ZCWPW2: variants seen among roughly 807,000 people sequenced by gnomAD.
ZCWPW2 encodes zinc finger CW-type PWWP domain protein 2.
Under a neutral mutation model 46.6 loss-of-function variants are expected in ZCWPW2, and 45 were observed. That is an observed-to-expected ratio of 0.96 (90% confidence interval 0.76 to 1.24). The LOEUF is 1.24. Ranked by LOEUF, ZCWPW2 falls within the 50% of genes most tolerant of loss-of-function variation. The pLI is 0.00. For missense variants in ZCWPW2, 429 were observed against 403.9 expected (o/e 1.06, Z -0.53); for synonymous variants, 152 against 137.1 (o/e 1.11, Z -0.76).
chr3:28,468,959 T>G (rs1281397532), intron 4 of ZCWPW2, among the ~76,000 whole-genome samples: 3 of 152,140 alleles, frequency 2.0e-5, no homozygotes, highest in Non-Finnish European at 4.4e-5. Flanking sequence ...TAAACTGCTC[T>G]TCAGTGGAAA....
chr3:28,491,373 T>C (rs1699806254), intron 5 of ZCWPW2, among the ~76,000 whole-genome samples: 2 of 152,166 alleles, frequency 1.3e-5, no homozygotes, highest in African/African-American at 2.4e-5. Flanking sequence ...ATACATACTT[T>C]AGCACATCTC....
chr3:28,382,782 G>A (rs1341647159), intron 1 of ZCWPW2, among the ~76,000 whole-genome samples: 1 of 152,048 alleles, frequency 6.6e-6, no homozygotes, highest in African/African-American at 2.4e-5. Context: ...GTCCTAATGA[G>A]TAAAATTAAG....
chr3:28,354,030 C>A (rs528845308), intron 1 of ZCWPW2, among the ~76,000 whole-genome samples: 1 of 152,082 alleles, frequency 6.6e-6, no homozygotes, highest in Admixed American at 6.5e-5. Context: ...ATGTGCCAGA[C>A]GCTGTTTTAG....
At chr3:28,384,770 C>T (rs571035141) in intron 1 of ZCWPW2, among the ~76,000 whole-genome samples, 33 of 152,062 alleles carry the variant, frequency 2.2e-4, no homozygotes, top group African/African-American at 5.1e-4. Flanking sequence ...CCCATTTCCA[C>T]GGCCGGCTAA....
At chr3:28,349,403 T>C (rs1314929846) in intron 1 of ZCWPW2, among the ~76,000 whole-genome samples, 200 bp downstream of exon 1, 1 of 152,212 alleles carries the variant, frequency 6.6e-6, no homozygotes, top group Non-Finnish European at 1.5e-5. Flanking sequence ...GCCGTTCCTC[T>C]GTAGCCTCTG....
chr3:28,391,353 C>CCACACA (rs111706300), intron 2 of ZCWPW2, among the ~76,000 whole-genome samples: 10 of 148,746 alleles, frequency 6.7e-5, no homozygotes, highest in South Asian at 6.4e-4. Context: ...CCTCTCCCTG[C>CCACACA]CACACACACA....
chr3:28,439,550 C>T (rs1386412051), intron 4 of ZCWPW2, among the ~76,000 whole-genome samples: 2 of 152,048 alleles, frequency 1.3e-5, no homozygotes, highest in Non-Finnish European at 2.9e-5. Context: ...CAGTATTAAC[C>T]ATCACAAGCC....
chr3:28,400,505 A>G (rs1695877325), intron 2 of ZCWPW2, among the ~76,000 whole-genome samples: 1 of 152,220 alleles, frequency 6.6e-6, no homozygotes, highest in South Asian at 2.1e-4. Context: ...ATCTAAAGTT[A>G]AGATGAAGGA....
intron 2 of ZCWPW2, among the ~76,000 whole-genome samples, chr3:28,410,747 GCAACAGAGAATGTC>G (rs1486957433): frequency 6.6e-6 from 1 of 151,804 alleles, no homozygotes; most frequent in Non-Finnish European, 1.5e-5. Context: ...AAAAATAAGA[GCAACAGAGAATGTC>G]CAAAGAAAGT....
intron 1 of ZCWPW2, among the ~76,000 whole-genome samples, chr3:28,358,512 A>G (rs1450063921): frequency 6.6e-6 from 1 of 152,160 alleles, no homozygotes; most frequent in Non-Finnish European, 1.5e-5. Context: ...TCAGTTTGAA[A>G]ATTATGAATC....
At chr3:28,416,897 G>T (rs1249520550) in intron 3 of ZCWPW2, among the ~76,000 whole-genome samples, 1 of 134,862 alleles carries the variant, frequency 7.4e-6, no homozygotes, top group Non-Finnish European at 1.6e-5. Context: ...GCTTTTTGAT[G>T]TGCTGCTGGA....
chr3:28,380,411 C>T (rs568173642), intron 1 of ZCWPW2, among the ~76,000 whole-genome samples: 2 of 152,144 alleles, frequency 1.3e-5, no homozygotes, highest in Non-Finnish European at 2.9e-5. Flanking sequence ...TCCACAGAAA[C>T]GTGCAAACAA....
At chr3:28,470,810 CAACAA>C (rs969324998) in intron 4 of ZCWPW2, among the ~76,000 whole-genome samples, 3 of 151,544 alleles carry the variant, frequency 2.0e-5, no homozygotes, top group Non-Finnish European at 4.4e-5. Context: ...TACAAAATAT[CAACAA>C]AACAATTTTT....
intron 2 of ZCWPW2, among the ~76,000 whole-genome samples, chr3:28,401,194 A>G (rs978154801): frequency 6.6e-6 from 1 of 152,102 alleles, no homozygotes; most frequent in African/African-American, 2.4e-5. Context: ...AAAACAAACA[A>G]AAAAGACAAA....
At chr3:28,489,196 A>G (rs184935348) in intron 5 of ZCWPW2, among the ~76,000 whole-genome samples, 24 of 152,254 alleles carry the variant, frequency 1.6e-4, no homozygotes, top group Non-Finnish European at 3.4e-4. Flanking sequence ...AACTCTCTCT[A>G]TACCATCCAG....
At chr3:28,488,603 G>A (rs1426237953) in intron 5 of ZCWPW2, among the ~76,000 whole-genome samples, 7 of 152,134 alleles carry the variant, frequency 4.6e-5, no homozygotes, top group Non-Finnish European at 8.8e-5. Flanking sequence ...TAATATGGTT[G>A]TAAGTAAAAA....
chr3:28,374,782 C>A (rs919159785), intron 1 of ZCWPW2, among the ~76,000 whole-genome samples: 1 of 151,858 alleles, frequency 6.6e-6, no homozygotes, highest in Non-Finnish European at 1.5e-5. Flanking sequence ...GATTGTTCAC[C>A]GTTGGCATAT....
chr3:28,524,758 T>C lies in ZCWPW2; in HGVS notation c.*70T>C, dbSNP rs1031833525. 3 of 1,243,386 alleles carry C rather than the reference T, an allele frequency of 2.4e-6. No homozygotes were observed. Among genetic ancestry groups the C allele is most frequent in the African/African-American group, 1.6e-5 (1 of 63,388 alleles). 77.0% of individuals were successfully genotyped at this position (1,243,386 alleles called of 1,614,324 possible). The stretch of plus-strand genomic sequence containing the variant: ...TTATATTTATCCAAAGTTAAAACTT[T>C]AAAAATGTTTAGTGAAATAGGTATA... On this transcript the variant is annotated 3_prime_UTR_variant, in exon 10 of 10. Coordinates refer to ENST00000383768, the MANE Select transcript of ZCWPW2 (RefSeq NM_001040432.4).
intron 6 of ZCWPW2, among the ~76,000 whole-genome samples, chr3:28,510,072 C>T (rs1021158714): frequency 5.9e-5 from 9 of 152,252 alleles, no homozygotes; most frequent in Non-Finnish European, 7.4e-5. Context: ...CTATTCTTTT[C>T]TTACTGAATT....
Sources: allele counts gnomAD v4.1 joint callset (sites outside exome capture counted in the v4.1 genomes callset), GRCh38; gene constraint gnomAD v4.1.1; transcripts MANE v1.5; gene names NCBI Gene and HGNC (gene_info 2026-07-23, HGNC 2026-07-21).